The following KDM4C variants were observed in gnomAD, a reference collection of about 807,000 sequenced individuals.
The protein encoded by KDM4C is lysine demethylase 4C.
In KDM4C, 81 loss-of-function variants were observed where a neutral mutation model predicts 129.3. That is an observed-to-expected ratio of 0.63 (90% CI 0.52 to 0.75). The LOEUF (loss-of-function observed/expected upper bound fraction) is 0.75, where lower values mean the gene tolerates loss of function less well. Ranked by LOEUF, KDM4C falls within the 30% of genes least tolerant of loss-of-function variation. The probability of loss-of-function intolerance (pLI) is 0.00; values close to 1 mark genes in which losing one functional copy is unlikely to be tolerated. For synonymous variants in KDM4C, 573 were observed against 456.1 expected (o/e 1.26, Z -3.26); for missense variants, 1,457 against 1,304.0 (o/e 1.12, Z -1.81).
chr9:6,806,463 C>T (rs1394722334), intron 3 of KDM4C, among the ~76,000 whole-genome samples: 1 of 151,880 alleles, frequency 6.6e-6, no homozygotes, highest in African/African-American at 2.4e-5. Flanking sequence ...CATTGCACTC[C>T]AGCCTGGGCA....
chr9:7,014,385 G>C (rs1823260311), intron 14 of KDM4C: 2 of 164,590 alleles, frequency 1.2e-5, no homozygotes, highest in African/African-American at 2.4e-5. Flanking sequence ...AAAGAGAAAT[G>C]AATGTTCCTT....
At chr9:6,731,436 C>T (rs1302340356) in intron 1 of KDM4C, among the ~76,000 whole-genome samples, 1 of 150,366 alleles carries the variant, frequency 6.7e-6, no homozygotes, top group Non-Finnish European at 1.5e-5. Context: ...AAGCAATTCT[C>T]CTGCCTCAGC....
In KDM4C at chr9:6,848,719, C is replaced by T. The variant is rs148112185; in HGVS notation, c.436-788C>T. ...GTTCTAATCAAACCAGAATCTTTTC[C>T]TATCACCTTAACTCTTATAGTAGTG... On this transcript the variant is annotated intron_variant, in intron 4 of 21. Transcript: ENST00000381309. Among the ~76,000 whole-genome samples the T allele has an allele frequency of 2.6e-4, 39 of 152,176 alleles. No homozygotes were observed. In the East Asian group the frequency reaches 7.3e-3, roughly 29 times the overall value.
At chr9:7,097,201 G>C (rs1341455528) in intron 17 of KDM4C, among the ~76,000 whole-genome samples, 2 of 152,196 alleles carry the variant, frequency 1.3e-5, no homozygotes, top group Admixed American at 1.3e-4. Flanking sequence ...TGAGCCATGA[G>C]GCAGGCCCTG....
At chr9:6,787,269 G>A (rs1825681858) in intron 1 of KDM4C, among the ~76,000 whole-genome samples, 1 of 152,184 alleles carries the variant, frequency 6.6e-6, no homozygotes. Flanking sequence ...GTCTTTATCT[G>A]TTGCCCAGGC....
intron 9 of KDM4C, among the ~76,000 whole-genome samples, chr9:6,983,573 GACACACACACACACAC>G (rs56086219): frequency 1.3e-4 from 18 of 142,704 alleles, no homozygotes; most frequent in South Asian, 2.2e-4. Flanking sequence ...GTGTCTTTAT[GACACACACACACACAC>G]ACACACACAC....
intron 4 of KDM4C, among the ~76,000 whole-genome samples, chr9:6,849,141 C>A (rs2130098420): frequency 6.6e-6 from 1 of 152,234 alleles, no homozygotes. Context: ...ACCCCAAAAA[C>A]AAAAAGGTGT....
chr9:6,787,967 TCTC>T (rs1281756202), intron 1 of KDM4C, among the ~76,000 whole-genome samples: 1 of 152,230 alleles, frequency 6.6e-6, no homozygotes, highest in Non-Finnish European at 1.5e-5. Flanking sequence ...TTCTCACCAT[TCTC>T]CTCCTTGCTT....
chr9:6,857,515 C>G (rs1397491195), intron 5 of KDM4C, among the ~76,000 whole-genome samples: 1 of 152,082 alleles, frequency 6.6e-6, no homozygotes. Flanking sequence ...TCTCTGTGGA[C>G]CACTGCTCAG....
intron 17 of KDM4C, among the ~76,000 whole-genome samples, chr9:7,089,095 A>T (rs1835488007): frequency 6.6e-6 from 1 of 152,242 alleles, no homozygotes; most frequent in South Asian, 2.1e-4. Context: ...GAAAAATATT[A>T]GAGCTGCTAA....
intron 1 of KDM4C, among the ~76,000 whole-genome samples, chr9:6,791,670 G>C (rs530582310): frequency 9.8e-5 from 15 of 152,316 alleles, no homozygotes; most frequent in African/African-American, 3.6e-4. Flanking sequence ...GTGAGTGAGA[G>C]TCTGTTTCAG....
intron 18 of KDM4C, among the ~76,000 whole-genome samples, chr9:7,106,551 GT>G (rs2133179030): frequency 6.6e-6 from 1 of 152,214 alleles, no homozygotes; most frequent in East Asian, 1.9e-4. Flanking sequence ...TCACTTTAGG[GT>G]TTTTGATTCC....
chr9:7,010,179 A>G (rs818878), intron 12 of KDM4C, among the ~76,000 whole-genome samples: 27,458 of 152,182 alleles, frequency 0.18, 2,529 homozygotes, highest in Admixed American at 0.22. Flanking sequence ...GGTGAGGCCA[A>G]GTGCTGCGAG....
chr9:7,058,874 A>G (rs1478950264), intron 17 of KDM4C, among the ~76,000 whole-genome samples: 1 of 149,858 alleles, frequency 6.7e-6, no homozygotes, highest in African/African-American at 2.5e-5. Context: ...TTTTTTTTCT[A>G]TAATGAATGC....
rs1844783049 is a variant in KDM4C, at chr9:7,169,875, AGTGAAAGCTCGATTT to A, written c.2982_2994+2del. 6.2e-7 allele frequency: 1 copy of A among 1,614,042 alleles called. No individual in the cohort carries two copies. Among genetic ancestry groups the A allele is most frequent in the African/African-American group, 1.3e-5 (1 of 75,028 alleles). The stretch of plus-strand genomic sequence containing the variant: ...CTTTAGATGAAGAGTTACCCAAGAG[AGTGAAAGCTCGATTT>A]GTAAGTGCTGGCAGATGCCACTTGG... On this transcript the variant is annotated inframe_deletion and splice_region_variant, in exon 21 of 22. Coordinates refer to ENST00000381309, the MANE Select transcript of KDM4C (RefSeq NM_015061.6).
chr9:7,080,515 G>A (rs905124347), intron 17 of KDM4C, among the ~76,000 whole-genome samples: 1 of 152,170 alleles, frequency 6.6e-6, no homozygotes, highest in African/African-American at 2.4e-5. Context: ...CTTGATATGG[G>A]AATGTGTATT....
At chr9:7,024,928 G>A (rs1252531710) in intron 15 of KDM4C, among the ~76,000 whole-genome samples, 1 of 152,168 alleles carries the variant, frequency 6.6e-6, no homozygotes, top group Non-Finnish European at 1.5e-5. Flanking sequence ...CACAGTGGTT[G>A]AACTAGTTTA....
upstream of KDM4C, among the ~76,000 whole-genome samples, chr9:6,754,768 T>C (rs919624768): frequency 1.3e-5 from 2 of 149,644 alleles, no homozygotes; most frequent in African/African-American, 2.5e-5. Context: ...CCCAGCTACA[T>C]GGGAGGCTGA....
intron 8 of KDM4C, among the ~76,000 whole-genome samples, chr9:6,946,185 T>G (rs1189030096): frequency 1.3e-5 from 2 of 152,140 alleles, no homozygotes; most frequent in Non-Finnish European, 2.9e-5. Context: ...TGGAGAGATT[T>G]TGACAATCTA....
Sources: gnomAD v4.1 joint callset for allele counts (sites outside exome capture counted in the v4.1 genomes callset) on GRCh38, gnomAD v4.1.1 for gene constraint, MANE v1.5 for transcripts, NCBI Gene and HGNC (gene_info 2026-07-23, HGNC 2026-07-21) for gene names.